The following DCAF5 variants were observed in gnomAD, a reference collection of about 807,000 sequenced individuals.
DCAF5 encodes the protein DDB1 and CUL4 associated factor 5.
A neutral mutation model predicts 80.7 loss-of-function variants in DCAF5; 9 were observed. The observed-to-expected ratio is 0.11, with a 90% CI of 0.07 to 0.19. The LOEUF (loss-of-function observed/expected upper bound fraction) is 0.19. DCAF5 is among the 10% of genes least tolerant of loss of function. DCAF5 has a pLI of 1.00. For missense variants in DCAF5, 842 were observed against 1,205.7 expected (o/e 0.70, Z 4.47); for synonymous variants, 433 against 461.9 (o/e 0.94, Z 0.80).
At chr14:69,141,347 T>C (rs902963407) in intron 1 of DCAF5, among the ~76,000 whole-genome samples, 4 of 150,380 alleles carry the variant, frequency 2.7e-5, no homozygotes, top group African/African-American at 9.7e-5. Flanking sequence ...TGGGACCTTT[T>C]TTTTTCTTTT....
At chr14:69,085,268 A>G (rs2039273120) in intron 6 of DCAF5, 5 of 713,874 alleles carry the variant, frequency 7.0e-6, no homozygotes, top group Non-Finnish European at 1.3e-5. Context: ...AATGAAGGCA[A>G]GCAGAAAAAG....
At chr14:69,124,906 A>G (rs570237854) in intron 1 of DCAF5, among the ~76,000 whole-genome samples, 6 of 152,232 alleles carry the variant, frequency 3.9e-5, no homozygotes, top group African/African-American at 1.4e-4. Context: ...TTATGTCTCT[A>G]GCAAAAGCAA....
At chr14:69,076,413 T>G (rs1388695668) in intron 6 of DCAF5, among the ~76,000 whole-genome samples, 2 of 152,172 alleles carry the variant, frequency 1.3e-5, no homozygotes. Flanking sequence ...GATGAATGGA[T>G]AAACAAAATG....
At chr14:69,129,608 CAGAG>C (rs2040980284) in intron 1 of DCAF5, among the ~76,000 whole-genome samples, 2 of 152,180 alleles carry the variant, frequency 1.3e-5, no homozygotes, top group Admixed American at 1.3e-4. Flanking sequence ...TTTAGTTCCA[CAGAG>C]AGAGACTGAC....
Position 69,055,695 on chromosome 14 carries a change from G to T in DCAF5, c.1075-84C>A. 3.6e-6 allele frequency: 5 copies of T among 1,373,674 alleles called. No individual in the cohort carries two copies. The South Asian group carries it at 6.9e-5, about 19-fold the overall frequency. The allele number at this position is 1,373,674 out of a possible 1,614,324, so 85.1% of individuals were successfully genotyped here. The stretch of plus-strand genomic sequence containing the variant: ...GGTGGTGATAAAGAACACCAAGGCA[G>T]AACTTCCCCAGACTCTCCCTGTAAT... On this transcript the variant is annotated intron_variant, in intron 8 of 8. Transcript: ENST00000341516. This position sits in a 1 kb window ranked among gnomAD's most constrained non-coding sequence, Gnocchi z 5.6.
rs541279784 is a variant in DCAF5, at chr14:69,054,161, G to A, written c.2525C>T (p.Pro842Leu). The A allele has an allele frequency of 2.2e-5, 36 of 1,614,260 alleles. No individual in the cohort carries two copies. In the African/African-American group the frequency reaches 3.5e-4, roughly 16 times the overall value. Residue 842 changes from proline to leucine, a missense_variant, in exon 9 of 9, where the codon CCT becomes CTT. By Grantham distance (98) the Pro-to-Leu change is moderately conservative. This residue lies in a region of DCAF5 where 607 missense variants were observed against 656.6 expected (regional missense o/e 0.92). Coordinates refer to ENST00000341516, the MANE Select transcript of DCAF5 (RefSeq NM_003861.3). ...HNNGRLHPRP[P>L]HPHNNGQNLG... is the part of the protein sequence containing the mutation. Reference sequence around the variant, plus strand: ...GTTCTGCCCGTTATTGTGAGGGTGAGGGGGACGAGGGTGTAAGCGTCCATT... The same window carrying A: ...GTTCTGCCCGTTATTGTGAGGGTGAAGGGGACGAGGGTGTAAGCGTCCATT...
intron 1 of DCAF5, among the ~76,000 whole-genome samples, chr14:69,126,990 T>C (rs998827890): frequency 1.3e-5 from 2 of 152,178 alleles, no homozygotes; most frequent in Non-Finnish European, 2.9e-5. Flanking sequence ...TGACACCAAA[T>C]GCTGGTCATG....
chr14:69,126,441 G>T (rs1182777639), intron 1 of DCAF5, among the ~76,000 whole-genome samples: 1 of 152,106 alleles, frequency 6.6e-6, no homozygotes, highest in African/African-American at 2.4e-5. Context: ...ACAAGCTTGA[G>T]CCACCATGCC....
intron 7 of DCAF5, among the ~76,000 whole-genome samples, chr14:69,074,663 C>T (rs1202620813): frequency 6.6e-6 from 1 of 152,110 alleles, no homozygotes; most frequent in Non-Finnish European, 1.5e-5. Flanking sequence ...AAGAGCCCTA[C>T]CAACTGTTTG....
chr14:69,067,910 C>T (rs1171105581), intron 7 of DCAF5, among the ~76,000 whole-genome samples: 1 of 152,204 alleles, frequency 6.6e-6, no homozygotes, highest in Non-Finnish European at 1.5e-5. Flanking sequence ...GCTGGGATTA[C>T]AGTCCTGAGC....
intron 7 of DCAF5, among the ~76,000 whole-genome samples, chr14:69,073,122 T>C (rs2038764158): frequency 6.6e-6 from 1 of 152,166 alleles, no homozygotes; most frequent in Non-Finnish European, 1.5e-5. Flanking sequence ...AATCCATAAA[T>C]GGGGTAGAAC....
At chr14:69,127,158 C>T (rs541503186) in intron 1 of DCAF5, among the ~76,000 whole-genome samples, 2 of 152,266 alleles carry the variant, frequency 1.3e-5, no homozygotes, top group South Asian at 4.1e-4. Context: ...GGAGTTGAAA[C>T]TTGTATCTAC....
chr14:69,097,403 G>A (rs2039760109), intron 5 of DCAF5, among the ~76,000 whole-genome samples: 1 of 151,876 alleles, frequency 6.6e-6, no homozygotes, highest in Non-Finnish European at 1.5e-5. Flanking sequence ...TTTTTTTATA[G>A]TAACCCTTCA....
Position 69,054,458 on chromosome 14 carries a change from T to C in DCAF5, c.2228A>G (p.Asn743Ser), listed in dbSNP as rs2139819520. The change falls in exon 9 of 9, where the codon AAT becomes AGT. Residue 743 changes from asparagine (N) to serine (S), a missense_variant. Around this residue, in one of 5 missense-constraint regions of DCAF5, gnomAD observed 607 missense variants for 656.6 expected, o/e 0.92. Coordinates refer to ENST00000341516, the MANE Select transcript of DCAF5 (RefSeq NM_003861.3). ...FKEETPRTPS[N>S]GPGHEHSSHA... ...GCTGCTGTGCTCATGGCCTGGGCCA[T>C]TGCTGGGAGTTCTAGGAGTCTCTTC... 2 of 1,614,060 alleles carry C rather than the reference T, an allele frequency of 1.2e-6. No individual in the cohort carries two copies. The highest frequency in any genetic ancestry group is 1.7e-6 in the Non-Finnish European group (2 of 1,180,022).
Position 69,055,758 on chromosome 14 carries a change from T to G in DCAF5, c.1075-147A>C. ...TGCTAACCAACTTAAAAATAAGTTC[T>G]TTACCAGACTGGATCATGTGGGTTA... On this transcript the variant is annotated intron_variant, in intron 8 of 8. Transcript: ENST00000341516. This position sits in a 1 kb window ranked among gnomAD's most constrained non-coding sequence, Gnocchi z 5.6. 3 of 806,654 alleles carry G rather than the reference T, an allele frequency of 3.7e-6. No homozygotes were observed. The highest frequency in any genetic ancestry group is 5.7e-5 in the Admixed American group (2 of 34,834). 50.0% of individuals were successfully genotyped at this position (806,654 alleles called of 1,614,324 possible).
chr14:69,129,060 T>C (rs2040961007), intron 1 of DCAF5, among the ~76,000 whole-genome samples: 2 of 152,194 alleles, frequency 1.3e-5, no homozygotes. Context: ...TAATCTTTAA[T>C]GTTCATTCTA....
At position 69,130,504 on chromosome 14, in the gene DCAF5, T is replaced by G. The variant is rs897678299; in HGVS notation, c.215-8144A>C. ...AAAATTCTAAAGATGGATGTGGTGA[T>G]GTATTAATTACATGAATGTAATTAA... is the stretch of plus-strand genomic sequence containing the variant. On this transcript the variant is annotated intron_variant, in intron 1 of 8. Coordinates refer to ENST00000341516, the MANE Select transcript of DCAF5 (RefSeq NM_003861.3). 5.3e-5 allele frequency among the ~76,000 whole-genome samples: 8 copies of G among 152,332 alleles called. No individual in the cohort carries two copies. The East Asian group carries it at 7.7e-4, about 15-fold the overall frequency.
intron 5 of DCAF5, among the ~76,000 whole-genome samples, chr14:69,113,900 G>A (rs1248997840): frequency 1.3e-5 from 2 of 152,160 alleles, no homozygotes; most frequent in African/African-American, 4.8e-5. Context: ...ATGGCACTAT[G>A]CTCCTTCTTT....
At chr14:69,132,159 G>A (rs916604065) in intron 1 of DCAF5, among the ~76,000 whole-genome samples, 1 of 152,112 alleles carries the variant, frequency 6.6e-6, no homozygotes, top group Non-Finnish European at 1.5e-5. Context: ...TATATAACCA[G>A]AAGTGAAATT....
Sources: allele counts gnomAD v4.1 joint callset (sites outside exome capture counted in the v4.1 genomes callset), GRCh38; gene constraint gnomAD v4.1.1; regional missense constraint gnomAD v4.1.1; non-coding constraint Gnocchi (gnomAD v3.1); transcripts MANE v1.5; gene names NCBI Gene and HGNC (gene_info 2026-07-23, HGNC 2026-07-21).